The following SLC38A11 variants were observed in gnomAD, a reference collection of about 807,000 sequenced individuals.
SLC38A11 encodes putative sodium-coupled neutral amino acid transporter 11.
In SLC38A11, 51 loss-of-function variants were observed where a neutral mutation model predicts 49.4. The observed-to-expected ratio is 1.03, with a 90% confidence interval of 0.83 to 1.30. The LOEUF (loss-of-function observed/expected upper bound fraction) is 1.30, where lower values mean the gene tolerates loss of function less well. Among genes scored for constraint, SLC38A11 ranks in the 50% most tolerant of loss-of-function variants. The pLI is 0.00. For synonymous variants in SLC38A11, 203 were observed against 192.9 expected, an observed-to-expected ratio of 1.05 and a Z score of -0.43; for missense variants, 574 against 556.2, an observed-to-expected ratio of 1.03 and a Z score of -0.32.
intron 7 of SLC38A11, among the ~76,000 whole-genome samples, chr2:164,922,629 G>A (rs543139064): frequency 6.6e-6 from 1 of 152,236 alleles, no homozygotes; most frequent in East Asian, 1.9e-4. Context: ...CGGATTGGAA[G>A]AATCAATATC....
At chr2:164,928,562 A>G (rs1483470694) in intron 7 of SLC38A11, among the ~76,000 whole-genome samples, 1 of 152,200 alleles carries the variant, frequency 6.6e-6, no homozygotes, top group Non-Finnish European at 1.5e-5. Context: ...CAGTGCTTAC[A>G]ATATAGTGAG....
chr2:164,902,375 C>A (rs1322176174), intron 11 of SLC38A11, among the ~76,000 whole-genome samples: 1 of 152,028 alleles, frequency 6.6e-6, no homozygotes, highest in African/African-American at 2.4e-5. Context: ...AAATGTTGTT[C>A]TCTGAAATAA....
At chr2:164,914,461 A>G (rs1315436994) in intron 9 of SLC38A11, among the ~76,000 whole-genome samples, 4 of 152,014 alleles carry the variant, frequency 2.6e-5, no homozygotes, top group Non-Finnish European at 1.5e-5. Context: ...GATTAAGACA[A>G]ATATAGAACA....
intron 4 of SLC38A11, 44 bp downstream of exon 4, chr2:164,945,549 G>T: frequency 6.5e-7 from 1 of 1,542,920 alleles, no homozygotes; most frequent in Non-Finnish European, 8.7e-7. Context: ...ATGACCATAT[G>T]CTTATGCACA....
chr2:164,942,348 T>C (rs1573994304), intron 5 of SLC38A11, among the ~76,000 whole-genome samples: 1 of 147,774 alleles, frequency 6.8e-6, no homozygotes, highest in East Asian at 2.0e-4. Flanking sequence ...GGTGGGAGGA[T>C]CACCTGAGCC....
intron 7 of SLC38A11, among the ~76,000 whole-genome samples, chr2:164,920,264 G>A (rs1174196860): frequency 7.7e-6 from 1 of 130,600 alleles, no homozygotes; most frequent in Non-Finnish European, 1.6e-5. Flanking sequence ...CTGGGTGACA[G>A]AGCAAGACTC....
chr2:164,905,639 C>G (rs1684948743), intron 11 of SLC38A11, among the ~76,000 whole-genome samples: 1 of 152,114 alleles, frequency 6.6e-6, no homozygotes, highest in Admixed American at 6.5e-5. Flanking sequence ...AACACTTATT[C>G]TCAGGTGGTC....
intron 11 of SLC38A11, among the ~76,000 whole-genome samples, chr2:164,907,433 C>T (rs901547491): frequency 6.6e-6 from 1 of 151,550 alleles, no homozygotes; most frequent in Non-Finnish European, 1.5e-5. Flanking sequence ...GCCACCAAAC[C>T]CGGCTAATTT....
At chr2:164,908,374 C>A (rs958090532) in intron 11 of SLC38A11, among the ~76,000 whole-genome samples, 4 of 152,016 alleles carry the variant, frequency 2.6e-5, no homozygotes, top group African/African-American at 4.8e-5. Flanking sequence ...GGATGTATAT[C>A]CCTGGCCTCT....
At chr2:164,913,125 T>C (rs1296955682) in intron 9 of SLC38A11, among the ~76,000 whole-genome samples, 1 of 151,974 alleles carries the variant, frequency 6.6e-6, no homozygotes, top group Non-Finnish European at 1.5e-5. Flanking sequence ...ATATCCTAAA[T>C]AATTTGCCTC....
rs184318509 is a variant in SLC38A11, at chr2:164,914,752, A to C, written c.850+360T>G. 1.5e-3 allele frequency among the ~76,000 whole-genome samples: 222 copies of C among 152,164 alleles called. 5 individuals are homozygous for C. The highest frequency in any genetic ancestry group is 9.1e-3 in the South Asian group (44 of 4,810). ...AAATTTGAGCAAAGAAAGGAAGTTC[A>C]GTATTGTTAAGTGATTCAGAGAGAT... On this transcript the variant is annotated intron_variant, in intron 9 of 11. Transcript: ENST00000685975.
intron 11 of SLC38A11, among the ~76,000 whole-genome samples, chr2:164,904,622 A>T (rs1159655425): frequency 6.6e-6 from 1 of 152,204 alleles, no homozygotes; most frequent in Non-Finnish European, 1.5e-5. Context: ...TATCTAAGAT[A>T]AAAGCTATTA....
In SLC38A11 at chr2:164,955,382, G is replaced by C. The variant is rs1157940895; in HGVS notation, c.-135C>G. Reference sequence around the variant, plus strand: ...CAGAGCTGCAGGGAGCCAGTTCCACGGGCGCCCCCTGCTCCCTCGGCAGGC... The same window carrying C: ...CAGAGCTGCAGGGAGCCAGTTCCACCGGCGCCCCCTGCTCCCTCGGCAGGC... On this transcript the variant is annotated 5_prime_UTR_variant, in exon 1 of 12. Transcript: ENST00000685975. The C allele has an allele frequency of 4.5e-5, 37 of 823,494 alleles. No individual in the cohort carries two copies. Among genetic ancestry groups the C allele is most frequent in the Non-Finnish European group, 5.7e-5 (29 of 509,324 alleles). The allele number at this position is 823,494 out of a possible 1,614,324, so 51.0% of individuals were successfully genotyped here. A position where few individuals can be genotyped will look rare whatever the true frequency, so the allele number is the denominator to read the frequency against.
intron 3 of SLC38A11, among the ~76,000 whole-genome samples, chr2:164,951,172 G>C (rs1688498606): frequency 1.3e-5 from 2 of 152,206 alleles, no homozygotes; most frequent in Middle Eastern, 3.4e-3. Flanking sequence ...TTAGTATACT[G>C]TTCATTCTCA....
At chr2:164,935,177 CTT>C (rs1203671243) in intron 7 of SLC38A11, among the ~76,000 whole-genome samples, 5 of 143,606 alleles carry the variant, frequency 3.5e-5, no homozygotes, top group African/African-American at 5.1e-5. Context: ...GATTTTTCTT[CTT>C]TTTTTTTTTT....
intron 3 of SLC38A11, 79 bp downstream of exon 3, chr2:164,952,628 A>ATG (rs35633373): frequency 0.083 from 67,014 of 810,092 alleles, 1,068 homozygotes; most frequent in Middle Eastern, 0.12. Context: ...CAGTTGCAGC[A>ATG]TGTGTGTGTG....
In SLC38A11 at chr2:164,895,629, G is replaced by T. The variant is rs1369740886; in HGVS notation, c.*2808C>A. The T allele has an allele frequency of 1.3e-5, 2 of 152,142 alleles. No homozygotes were observed. The highest frequency in any genetic ancestry group is 2.9e-5 in the Non-Finnish European group (2 of 68,028). The allele number at this position is 152,142 out of a possible 1,614,324, so 9.4% of individuals were successfully genotyped here. A position where few individuals can be genotyped will look rare whatever the true frequency, so the allele number is the denominator to read the frequency against. ...TGCAGTCTCCTTTTAAGAAAGACAAGGGGCAACAATTATTGTTTGGCATCA... is the reference window on the plus strand; with the variant it reads ...TGCAGTCTCCTTTTAAGAAAGACAATGGGCAACAATTATTGTTTGGCATCA... On this transcript the variant is annotated 3_prime_UTR_variant, in exon 12 of 12. Coordinates refer to ENST00000685975, the MANE Select transcript of SLC38A11 (RefSeq NM_001351537.2).
chr2:164,937,521 T>C lies in SLC38A11; in HGVS notation c.538-92A>G, dbSNP rs1443756971. 7 of 839,596 alleles carry C rather than the reference T, an allele frequency of 8.3e-6. No individual in the cohort carries two copies. In the East Asian group the frequency reaches 1.3e-4, roughly 15 times the overall value. 52.0% of individuals were successfully genotyped at this position (839,596 alleles called of 1,614,324 possible). On this transcript the variant is annotated intron_variant, in intron 6 of 11. Coordinates refer to ENST00000685975, the MANE Select transcript of SLC38A11 (RefSeq NM_001351537.2). ...CTTTCTCATTTTTAATTGGGTAAAC[T>C]TACATATAGATTTTTTTGCCTAATT...
chr2:164,908,907 G>T, intron 10 of SLC38A11, 136 bp from the exon 11 acceptor site: 1 of 989,174 alleles, frequency 1.0e-6, no homozygotes, highest in South Asian at 2.0e-5. Flanking sequence ...AAGTCACTAG[G>T]AATGTTCTAT....
Sources: gnomAD v4.1 joint callset for allele counts (sites outside exome capture counted in the v4.1 genomes callset) on GRCh38, gnomAD v4.1.1 for gene constraint, MANE v1.5 for transcripts, NCBI Gene and HGNC (gene_info 2026-07-23, HGNC 2026-07-21) for gene names.